The following CEP350 variants were observed in gnomAD, a reference collection of about 807,000 sequenced individuals.
The protein encoded by CEP350 is centrosomal protein 350.
Under a neutral mutation model 331.8 loss-of-function variants are expected in CEP350, and 126 were observed. That is an observed-to-expected ratio of 0.38 (90% CI 0.33 to 0.44). CEP350 has a LOEUF of 0.44. Ranked by LOEUF, CEP350 falls within the 20% of genes least tolerant of loss-of-function variation. CEP350 has a pLI of 1.00. For synonymous variants in CEP350, 1,200 were observed against 1,259.5 expected (o/e 0.95, Z 1.00); for missense variants, 3,406 against 3,634.6 (o/e 0.94, Z 1.62).
intron 8 of CEP350, among the ~76,000 whole-genome samples, chr1:180,008,716 A>G (rs1035570838): frequency 1.3e-5 from 2 of 152,200 alleles, no homozygotes; most frequent in Non-Finnish European, 2.9e-5. Context: ...CCCTGCCTTC[A>G]TGGAGCTTAT....
At chr1:180,039,210 A>G (rs977869772) in intron 17 of CEP350, among the ~76,000 whole-genome samples, 1 of 139,152 alleles carries the variant, frequency 7.2e-6, no homozygotes, top group African/African-American at 2.6e-5. Flanking sequence ...CAGTAAGCCA[A>G]GATTGTGCCA....
intron 37 of CEP350, among the ~76,000 whole-genome samples, chr1:180,107,898 A>C (rs920320498): frequency 6.6e-6 from 1 of 152,234 alleles, no homozygotes; most frequent in African/African-American, 2.4e-5. Context: ...TAAGCTGTTT[A>C]TATTTTAAAT....
chr1:180,033,370 A>C (rs908203770), intron 15 of CEP350, among the ~76,000 whole-genome samples: 1 of 152,192 alleles, frequency 6.6e-6, no homozygotes. Context: ...GAATAGTGTG[A>C]AATTTTTTTC....
At chr1:180,033,750 CTTTTTAAAGCTAATGTTGATAGT>C in intron 15 of CEP350, 89 bp from the exon 16 acceptor site, 1 of 1,100,806 alleles carries the variant, frequency 9.1e-7, no homozygotes, top group African/African-American at 1.6e-5. Flanking sequence ...TAAATCACAA[CTTTTTAAAGCTAATGTTGATAGT>C]TTTTTTATAT....
At chr1:180,000,498 C>G (rs1440711718) in intron 6 of CEP350, 2 of 154,412 alleles carry the variant, frequency 1.3e-5, no homozygotes, top group African/African-American at 4.8e-5. Context: ...TTGCTGTTTC[C>G]TTGGGGTCTT....
intron 20 of CEP350, among the ~76,000 whole-genome samples, chr1:180,043,654 A>T (rs1656914255): frequency 1.3e-5 from 2 of 152,196 alleles, no homozygotes; most frequent in African/African-American, 4.8e-5. Flanking sequence ...GTATGAGATG[A>T]TGCAGGGATC....
chr1:180,077,905 G>C (rs1054718657), intron 28 of CEP350, among the ~76,000 whole-genome samples: 29 of 151,978 alleles, frequency 1.9e-4, no homozygotes, highest in Non-Finnish European at 3.7e-4. Context: ...AGGCCGAGGC[G>C]GGTGGATCAC....
rs1050951678 is a variant in CEP350 at position 180,045,297 on chromosome 1, G to A, written c.4622+1124G>A. ...GCAGAGGTTGCAGCGAGCCAAGATC[G>A]CACCACTGCACTCCAGCCTGGGTGA... On this transcript the variant is annotated intron_variant, in intron 21 of 37. Coordinates refer to ENST00000367607, the MANE Select transcript of CEP350 (RefSeq NM_014810.5). 2.0e-5 allele frequency among the ~76,000 whole-genome samples: 3 copies of A among 152,088 alleles called. No homozygotes were observed. In the East Asian group the frequency reaches 5.8e-4, roughly 29 times the overall value.
chr1:180,004,923 C>CT, intron 7 of CEP350, among the ~76,000 whole-genome samples: 1 of 76,114 alleles, frequency 1.3e-5, no homozygotes, highest in Non-Finnish European at 3.3e-5. Context: ...TTCTTTCTTT[C>CT]TTTCTTTCTT....
At chr1:179,991,444 C>T (rs1252347754) in intron 4 of CEP350, among the ~76,000 whole-genome samples, 5 of 150,654 alleles carry the variant, frequency 3.3e-5, no homozygotes, top group African/African-American at 7.3e-5. Context: ...GCCGCGCCAC[C>T]GGGCCTTTCT....
Position 179,987,250 on chromosome 1 carries a change from C to G in CEP350, c.84C>G (p.Thr28=). ...QSKDTVQADI[T]TSWDALSQTK... Reference sequence around the variant, plus strand: ...CATTTTTTTTCCCAGCAGATATAACCACATCGTGGGATGCACTTTCTCAAA... The same window carrying G: ...CATTTTTTTTCCCAGCAGATATAACGACATCGTGGGATGCACTTTCTCAAA... The change falls in exon 3 of 38, where the codon ACC becomes ACG. Residue 28 remains threonine, a synonymous_variant. Transcript: ENST00000367607. The G allele has an allele frequency of 3.2e-6, 5 of 1,549,262 alleles. No homozygotes were observed. Among genetic ancestry groups the G allele is most frequent in the Non-Finnish European group, 4.4e-6 (5 of 1,129,024 alleles).
intron 14 of CEP350, among the ~76,000 whole-genome samples, chr1:180,025,796 C>T (rs918327726): frequency 6.6e-6 from 1 of 152,118 alleles, no homozygotes; most frequent in Non-Finnish European, 1.5e-5. Context: ...ATACCTAATG[C>T]ATGCGGGGCT....
intron 20 of CEP350, 129 bp downstream of exon 20, chr1:180,043,321 T>G (rs1211982665): frequency 9.2e-7 from 1 of 1,084,098 alleles, no homozygotes; most frequent in East Asian, 2.8e-5. Flanking sequence ...ATGGGCATAG[T>G]CTAGTAGGGA....
Position 179,992,055 on chromosome 1 carries a change from C to A in CEP350, c.236-7C>A. 1 of 1,518,290 alleles carries A rather than the reference C, an allele frequency of 6.6e-7. No homozygotes were observed. The highest frequency in any genetic ancestry group is 8.8e-7 in the Non-Finnish European group (1 of 1,139,722). The allele number at this position is 1,518,290 out of a possible 1,614,324, so 94.1% of individuals were successfully genotyped here. ...TATATGTTCTCACAGATTTCCTTTT[C>A]CTTCAGATGGTAGATACCTGGATGA... On this transcript the variant is annotated splice_region_variant and splice_polypyrimidine_tract_variant and intron_variant, in intron 4 of 37. Transcript: ENST00000367607.
chr1:180,097,396 A>G (rs1660543858), intron 36 of CEP350, among the ~76,000 whole-genome samples: 1 of 152,214 alleles, frequency 6.6e-6, no homozygotes, highest in African/African-American at 2.4e-5. Context: ...TGTATACTCC[A>G]TTCCTTCTAC....
rs1392743221 is a variant in CEP350, at chr1:180,062,297, G to T, written c.5340G>T (p.Glu1780Asp). 1.2e-6 allele frequency: 2 copies of T among 1,611,022 alleles called. No homozygotes were observed. The highest frequency in any genetic ancestry group is 1.3e-5 in the African/African-American group (1 of 74,974). The change falls in exon 26 of 38, where the codon GAG becomes GAT. Residue 1780 changes from glutamate (E) to aspartate (D), a missense_variant. Around this residue, in one of 5 missense-constraint regions of CEP350, gnomAD observed 1,415 missense variants for 1,512.3 expected, o/e 0.94. Transcript: ENST00000367607. ...ERQLILKQQE[E>D]IEKIRQTTIK... ...AGCTGATTCTTAAACAGCAGGAGGAGATAGAAAAGATCCGACAGACCACCA... is the reference window on the plus strand; with the variant it reads ...AGCTGATTCTTAAACAGCAGGAGGATATAGAAAAGATCCGACAGACCACCA...
Position 180,036,973 on chromosome 1 carries a change from G to A in CEP350, c.3994G>A (p.Glu1332Lys). 1 of 1,594,260 alleles carries A rather than the reference G, an allele frequency of 6.3e-7. No homozygotes were observed. Among genetic ancestry groups the A allele is most frequent in the Non-Finnish European group, 8.5e-7 (1 of 1,170,340 alleles). ...PAGLHHRMAA[E>K]LSYLNAIEES... ...TGGCCTCCATCATCGTATGGCAGCAGAACTCAGTTATCTGAACGCCATTGA... is the reference window on the plus strand; with the variant it reads ...TGGCCTCCATCATCGTATGGCAGCAAAACTCAGTTATCTGAACGCCATTGA... The change falls in exon 17 of 38, where the codon GAA (glutamate) becomes AAA (lysine). Residue 1332 changes from glutamate to lysine, a missense_variant. Physicochemically the swap from Glu to Lys is moderately conservative, Grantham distance 56. Around this residue, in one of 5 missense-constraint regions of CEP350, gnomAD observed 1,857 missense variants for 1,909.2 expected, o/e 0.97. Coordinates refer to ENST00000367607, the MANE Select transcript of CEP350 (RefSeq NM_014810.5).
At chr1:180,072,792 T>G (rs760050728) in intron 27 of CEP350, among the ~76,000 whole-genome samples, 9 of 152,146 alleles carry the variant, frequency 5.9e-5, no homozygotes, top group Non-Finnish European at 8.8e-5. Flanking sequence ...ATGGCTGGAT[T>G]TATACCTAGA....
chr1:180,075,531 CTG>C (rs1050692621), intron 28 of CEP350, among the ~76,000 whole-genome samples: 29 of 152,196 alleles, frequency 1.9e-4, no homozygotes, highest in African/African-American at 5.8e-4. Flanking sequence ...ATCAACCCCA[CTG>C]TGCTCCAGCC....
Sources: allele counts gnomAD v4.1 joint callset (sites outside exome capture counted in the v4.1 genomes callset), GRCh38; gene constraint gnomAD v4.1.1; regional missense constraint gnomAD v4.1.1; transcripts MANE v1.5; gene names NCBI Gene and HGNC (gene_info 2026-07-23, HGNC 2026-07-21).